FBXL6: variants seen among roughly 807,000 people sequenced by gnomAD.
The protein encoded by FBXL6 is F-box/LRR-repeat protein 6.
A neutral mutation model predicts 53.3 loss-of-function variants in FBXL6; 50 were observed. The ratio of observed to expected loss-of-function variants is 0.94; its 90% CI spans 0.75 to 1.19. The LOEUF (loss-of-function observed/expected upper bound fraction) is 1.19. FBXL6 is among the 50% of genes most tolerant of loss of function. The probability of loss-of-function intolerance (pLI) is 0.00; values close to 1 mark genes in which losing one functional copy is unlikely to be tolerated. For missense variants in FBXL6, 815 were observed against 719.0 expected, an observed-to-expected ratio of 1.13 and a Z score of -1.53; for synonymous variants, 405 against 322.9, an observed-to-expected ratio of 1.25 and a Z score of -2.73.
rs782644488 is a variant in FBXL6, at chr8:144,357,619, AC to A, written c.575+8del. 1 of 1,598,604 alleles carries A rather than the reference AC, an allele frequency of 6.3e-7. No individual in the cohort carries two copies. Among genetic ancestry groups the A allele is most frequent in the South Asian group, 1.1e-5 (1 of 90,218 alleles). ...GAGCCAGGGGTAAGGAAGAGAGGGA[AC>A]CCCTCACCGATTGGGCATAAGCCAC... On this transcript the variant is annotated splice_region_variant and intron_variant, in intron 2 of 8. Coordinates refer to ENST00000331890, the MANE Select transcript of FBXL6 (RefSeq NM_012162.4).
chr8:144,357,521 C>G lies in FBXL6; in HGVS notation c.576-19G>C, dbSNP rs782599808. The G allele has an allele frequency of 6.2e-7, 1 of 1,613,322 alleles. No individual in the cohort carries two copies. Among genetic ancestry groups the G allele is most frequent in the African/African-American group, 1.3e-5 (1 of 75,062 alleles). On this transcript the variant is annotated intron_variant, in intron 2 of 8. Coordinates refer to ENST00000331890, the MANE Select transcript of FBXL6 (RefSeq NM_012162.4). ...TGAAAACCTGGGCCGACAGCGGAGG[C>G]AGAGCTGCACTAATGTTCCCACACG...
chr8:144,357,182 A>C, intron 3 of FBXL6, 61 bp from the exon 4 acceptor site: 1 of 1,603,750 alleles, frequency 6.2e-7, no homozygotes, highest in Non-Finnish European at 8.5e-7. Context: ...CCACAAGGGA[A>C]ACAGACAAGT....
chr8:144,358,467 G>A lies in FBXL6; in HGVS notation c.-20C>T, dbSNP rs781900084. 18 of 1,235,224 alleles carry A rather than the reference G, an allele frequency of 1.5e-5. No homozygotes were observed. In the Admixed American group the frequency reaches 6.6e-4, roughly 45 times the overall value. 76.5% of individuals were successfully genotyped at this position (1,235,224 alleles called of 1,614,324 possible). A position where few individuals can be genotyped will look rare whatever the true frequency, so the allele number is the denominator to read the frequency against. On this transcript the variant is annotated 5_prime_UTR_variant, in exon 1 of 9. Coordinates refer to ENST00000331890, the MANE Select transcript of FBXL6 (RefSeq NM_012162.4). Reference sequence around the variant, plus strand: ...AGCCATGACCACCGACGGCGCTCGGGGAAGCCCCAGGGAGCGGAACGGGCG... The same window carrying A: ...AGCCATGACCACCGACGGCGCTCGGAGAAGCCCCAGGGAGCGGAACGGGCG...
At position 144,358,095 on chromosome 8, in the gene FBXL6, TC is replaced by T; in HGVS notation, c.352del (p.Glu118LysfsTer43). On this transcript the variant is annotated frameshift_variant, in exon 1 of 9. Coordinates refer to ENST00000331890, the MANE Select transcript of FBXL6 (RefSeq NM_012162.4). LOFTEE classifies it high-confidence loss of function. ...DAGWGDRIPL[E>X]ILVQIFGLLV... ...CAACCCGAAAATCTGCACCAGGATT[TC>T]CAAGGGAATGCGGTCTCCCCAGCCC... The T allele has an allele frequency of 6.3e-7, 1 of 1,597,536 alleles. No individual in the cohort carries two copies. The highest frequency in any genetic ancestry group is 2.3e-5 in the East Asian group (1 of 42,844).
intron 1 of FBXL6, 43 bp from the exon 2 acceptor site, chr8:144,357,829 G>A (rs1442608018): frequency 2.0e-6 from 3 of 1,463,524 alleles, no homozygotes; most frequent in East Asian, 2.5e-5. Context: ...CTCCGTAGGC[G>A]ATGCCCCCCT....
At chr8:144,355,773 TCTGCCACCCA>T in intron 8 of FBXL6, 95 bp from the exon 9 acceptor site, 1 of 1,546,250 alleles carries the variant, frequency 6.5e-7, no homozygotes, top group Non-Finnish European at 8.8e-7. Flanking sequence ...GACACCTGGC[TCTGCCACCCA>T]TAGCCACCAA....
In FBXL6 at chr8:144,358,163, G is replaced by A. The variant is rs782336300; in HGVS notation, c.285C>T (p.Pro95=). ...LRSEAAAAPA[P]APAPTPTPEE... is the part of the protein sequence containing the mutation. ...CGGGCGTGGGCGTGGGTGCCGGTGC[G>A]GGTGCGGGCGCGGCCGCCGCCTCGG... The change falls in exon 1 of 9, where the codon CCC becomes CCT. Residue 95 remains proline, a synonymous_variant. Coordinates refer to ENST00000331890, the MANE Select transcript of FBXL6 (RefSeq NM_012162.4). The A allele has an allele frequency of 3.3e-6, 5 of 1,505,390 alleles. No individual in the cohort carries two copies. The African/African-American group carries it at 4.3e-5, about 13-fold the overall frequency. 93.3% of individuals were successfully genotyped at this position (1,505,390 alleles called of 1,614,324 possible).
chr8:144,357,793 G>A lies in FBXL6; in HGVS notation c.417-7C>T. ...GCGGCACACGCGCGCAGCCCTGGGA[G>A]GACAGCGTGCTGAGGGTGCCGGCCC... On this transcript the variant is annotated splice_polypyrimidine_tract_variant and splice_region_variant and intron_variant, in intron 1 of 8. Transcript: ENST00000331890. The A allele has an allele frequency of 1.3e-6, 2 of 1,544,858 alleles. No homozygotes were observed. The highest frequency in any genetic ancestry group is 1.7e-6 in the Non-Finnish European group (2 of 1,148,890).
In FBXL6 at chr8:144,355,962, G is replaced by C. The variant is rs1818384986; in HGVS notation, c.1472+6C>G. ...GGCTCCAGGGACTGGGGTAGGGGAT[G>C]CTGACCTGACAGTGCTTGGTGTGAC... On this transcript the variant is annotated splice_donor_region_variant and intron_variant, in intron 8 of 8. Coordinates refer to ENST00000331890, the MANE Select transcript of FBXL6 (RefSeq NM_012162.4). 1 of 1,611,144 alleles carries C rather than the reference G, an allele frequency of 6.2e-7. No individual in the cohort carries two copies. Among genetic ancestry groups the C allele is most frequent in the East Asian group, 2.2e-5 (1 of 44,830 alleles).
intron 3 of FBXL6, 26 bp from the exon 4 acceptor site, chr8:144,357,147 G>T: frequency 1.2e-6 from 2 of 1,612,344 alleles, no homozygotes; most frequent in Non-Finnish European, 1.7e-6. Flanking sequence ...GGGGCAGCTG[G>T]GGTTGGGAGA....
rs1554852737 is a variant in FBXL6, at chr8:144,356,222, G to A, written c.1226-8C>T. 2.4e-6 allele frequency: 3 copies of A among 1,262,066 alleles called. No individual in the cohort carries two copies. The highest frequency in any genetic ancestry group is 1.5e-5 in the South Asian group (1 of 65,310). 78.2% of individuals were successfully genotyped at this position (1,262,066 alleles called of 1,614,324 possible). A position where few individuals can be genotyped will look rare whatever the true frequency, so the allele number is the denominator to read the frequency against. ...GATGAAGCTGCTCCAGCTCTGCAGT[G>A]AAAGGAGTGAGCATAAGCTACAAGG... On this transcript the variant is annotated splice_region_variant and splice_polypyrimidine_tract_variant and intron_variant, in intron 7 of 8. Transcript: ENST00000331890.
rs1554853108 is a variant in FBXL6, at chr8:144,357,429, G to C, written c.639+10C>G. The C allele has an allele frequency of 1.9e-6, 3 of 1,610,586 alleles. No homozygotes were observed. The highest frequency in any genetic ancestry group is 2.2e-5 in the South Asian group (2 of 90,456). On this transcript the variant is annotated intron_variant, in intron 3 of 8. Coordinates refer to ENST00000331890, the MANE Select transcript of FBXL6 (RefSeq NM_012162.4). ...CACAGCTGATGTGCAGGACAGCCTG[G>C]AGCTCTCACCTTCAACACGGGGTGT...
At position 144,356,539 on chromosome 8, in the gene FBXL6, C is replaced by T. The variant is rs782587608; in HGVS notation, c.994-8G>A. 10 of 1,612,802 alleles carry T rather than the reference C, an allele frequency of 6.2e-6. No individual in the cohort carries two copies. In the East Asian group the frequency reaches 2.0e-4, roughly 32 times the overall value. The stretch of plus-strand genomic sequence containing the variant: ...GTTCAACAGCCGCAGCACCTGGGGG[C>T]AAGGTCCAGGCTGTAGATGGGGGAG... On this transcript the variant is annotated splice_region_variant and splice_polypyrimidine_tract_variant and intron_variant, in intron 6 of 8. Coordinates refer to ENST00000331890, the MANE Select transcript of FBXL6 (RefSeq NM_012162.4).
At position 144,356,878 on chromosome 8, in the gene FBXL6, G is replaced by A. The variant is rs1268378999; in HGVS notation, c.809C>T (p.Ala270Val). The A allele has an allele frequency of 1.2e-6, 2 of 1,613,302 alleles. No individual in the cohort carries two copies. The highest frequency in any genetic ancestry group is 8.5e-7 in the Non-Finnish European group (1 of 1,180,016). ...STAVVSFLEEAGSRMRKLWLT... is the reference protein window; with the variant it reads ...STAVVSFLEEVGSRMRKLWLT... Reference sequence around the variant, plus strand: ...CCACAACTTGCGCATTCGGGACCCTGCCTCCTCCAAGAAGCTCACCACAGC... The same window carrying A: ...CCACAACTTGCGCATTCGGGACCCTACCTCCTCCAAGAAGCTCACCACAGC... The change falls in exon 5 of 9, where the codon GCA becomes GTA. Residue 270 changes from alanine to valine, a missense_variant. Ala to Val is a moderately conservative substitution (Grantham distance 64). Transcript: ENST00000331890.
At position 144,358,151 on chromosome 8, in the gene FBXL6, G is replaced by T; in HGVS notation, c.297C>A (p.Pro99=). The T allele has an allele frequency of 6.5e-7, 1 of 1,541,044 alleles. No homozygotes were observed. The highest frequency in any genetic ancestry group is 2.6e-5 in the East Asian group (1 of 37,784). ...CGGGCCCTTCCTCGGGCGTGGGCGT[G>T]GGTGCCGGTGCGGGTGCGGGCGCGG... ...AAAAPAPAPA[P]TPTPEEGPDA... is the part of the protein sequence containing the mutation. The change falls in exon 1 of 9, where the codon CCC becomes CCA. Residue 99 remains proline (P), a synonymous_variant. Transcript: ENST00000331890.
At position 144,356,370 on chromosome 8, in the gene FBXL6, G is replaced by A; in HGVS notation, c.1155C>T (p.Asn385=). The A allele has an allele frequency of 3.1e-6, 4 of 1,304,750 alleles. No individual in the cohort carries two copies. Among genetic ancestry groups the A allele is most frequent in the Non-Finnish European group, 2.9e-6 (3 of 1,017,628 alleles). 80.8% of individuals were successfully genotyped at this position (1,304,750 alleles called of 1,614,324 possible). Residue 385 remains asparagine, a synonymous_variant, in exon 7 of 9, where the codon AAC becomes AAT. Transcript: ENST00000331890. ...AGCCACGAAGATCCAGTAAGCGCAG[G>A]TTGGGAGAGCCGTGGAGTAGGCGGC... The part of the protein sequence containing the change: ...VLGRLLHGSP[N]LRLLDLRGCA...
At position 144,358,159 on chromosome 8, in the gene FBXL6, G is replaced by C. The variant is rs782187802; in HGVS notation, c.289C>G (p.Pro97Ala). The change falls in exon 1 of 9, where the codon CCG (proline) becomes GCG (alanine). Residue 97 changes from proline to alanine, a missense_variant. Pro to Ala is a conservative substitution (Grantham distance 27, BLOSUM62 -1). Coordinates refer to ENST00000331890, the MANE Select transcript of FBXL6 (RefSeq NM_012162.4). Reference sequence around the variant, plus strand: ...TCCTCGGGCGTGGGCGTGGGTGCCGGTGCGGGTGCGGGCGCGGCCGCCGCC... The same window carrying C: ...TCCTCGGGCGTGGGCGTGGGTGCCGCTGCGGGTGCGGGCGCGGCCGCCGCC... ...SEAAAAPAPA[P>A]APTPTPEEGP... is the part of the protein sequence containing the mutation. The C allele has an allele frequency of 3.3e-6, 5 of 1,514,058 alleles. No individual in the cohort carries two copies. The highest frequency in any genetic ancestry group is 2.2e-5 in the Admixed American group (1 of 46,396). 93.8% of individuals were successfully genotyped at this position (1,514,058 alleles called of 1,614,324 possible). A position where few individuals can be genotyped will look rare whatever the true frequency, so the allele number is the denominator to read the frequency against.
In FBXL6 at chr8:144,356,520, C is replaced by T. The variant is rs200585055; in HGVS notation, c.1005G>A (p.Leu335=). Residue 335 remains leucine, a synonymous_variant, in exon 7 of 9, where the codon CTG becomes CTA. Coordinates refer to ENST00000331890, the MANE Select transcript of FBXL6 (RefSeq NM_012162.4). ...GCTTGGGCAGCCACATCAGGTTCAA[C>T]AGCCGCAGCACCTGGGGGCAAGGTC... ...KGCPQLQVLR[L]LNLMWLPKPP... 1.2e-6 allele frequency: 2 copies of T among 1,612,944 alleles called. No individual in the cohort carries two copies. The highest frequency in any genetic ancestry group is 1.7e-5 in the Admixed American group (1 of 60,022).
rs2130613424 is a variant in FBXL6, at chr8:144,356,630, C to T, written c.963G>A (p.Glu321=). The change falls in exon 6 of 9, where the codon GAG becomes GAA. Residue 321 remains glutamate (E), a synonymous_variant. Transcript: ENST00000331890. ...RNSIPLQLPV[E]ALQKGCPQLQ... is the part of the protein sequence containing the mutation. The stretch of plus-strand genomic sequence containing the variant: ...GCTGAGGGCAGCCTTTCTGCAGAGC[C>T]TCGACAGGCAGCTGAAGGGGAATGC... 6.2e-7 allele frequency: 1 copy of T among 1,612,992 alleles called. No homozygotes were observed. The highest frequency in any genetic ancestry group is 2.2e-5 in the East Asian group (1 of 44,882).
Sources: gnomAD v4.1 joint callset for allele counts on GRCh38, gnomAD v4.1.1 for gene constraint, MANE v1.5 for transcripts, NCBI Gene and HGNC (gene_info 2026-07-23, HGNC 2026-07-21) for gene names.